OLFM2: variants seen among roughly 807,000 people sequenced by gnomAD.
OLFM2 encodes the protein olfactomedin 2.
OLFM2 carries 20 observed loss-of-function variants against 43.9 expected under a neutral mutation model. The ratio of observed to expected loss-of-function variants is 0.46; its 90% CI spans 0.32 to 0.66. The LOEUF is 0.66. Ranked by LOEUF, OLFM2 falls within the 30% of genes least tolerant of loss-of-function variation. The pLI is 0.04. For missense variants in OLFM2, 416 were observed against 643.6 expected (o/e 0.65, Z 3.83); for synonymous variants, 268 against 278.6 (o/e 0.96, Z 0.38).
At chr19:9,866,644 C>T (rs56281400) in intron 1 of OLFM2, among the ~76,000 whole-genome samples, 18,608 of 151,910 alleles carry the variant, frequency 0.12, 1,312 homozygotes, top group Middle Eastern at 0.2. Flanking sequence ...GGACTACAGG[C>T]ATGCACCATC....
At chr19:9,872,711 CATCT>C (rs1384801409) in intron 1 of OLFM2, among the ~76,000 whole-genome samples, 1 of 151,658 alleles carries the variant, frequency 6.6e-6, no homozygotes, top group African/African-American at 2.4e-5. Flanking sequence ...CCCATTCATC[CATCT>C]ATCCATTCAT....
intron 1 of OLFM2, among the ~76,000 whole-genome samples, chr19:9,901,252 AAAGG>A (rs1434081404): frequency 2.3e-5 from 3 of 132,400 alleles, no homozygotes; most frequent in African/African-American, 8.5e-5. Flanking sequence ...AAGAAGAAAG[AAAGG>A]GAGGGAGGGA....
intron 1 of OLFM2, among the ~76,000 whole-genome samples, chr19:9,890,388 G>T (rs1157997222): frequency 2.0e-5 from 3 of 152,188 alleles, no homozygotes; most frequent in African/African-American, 4.8e-5. Flanking sequence ...GGCGGGCACT[G>T]TGGCCTCCTG....
At chr19:9,927,644 C>G (rs1157456880) in intron 1 of OLFM2, among the ~76,000 whole-genome samples, 1 of 152,204 alleles carries the variant, frequency 6.6e-6, no homozygotes, top group Non-Finnish European at 1.5e-5. Flanking sequence ...TACCATGTGT[C>G]GGCTGCATCT....
chr19:9,876,751 A>C (rs1360400708), intron 1 of OLFM2, among the ~76,000 whole-genome samples: 1 of 152,160 alleles, frequency 6.6e-6, no homozygotes, highest in African/African-American at 2.4e-5. Flanking sequence ...CCCCAGTTAG[A>C]GTATATAGCT....
At chr19:9,861,510 C>T (rs538644484) in intron 1 of OLFM2, among the ~76,000 whole-genome samples, 4 of 152,328 alleles carry the variant, frequency 2.6e-5, no homozygotes, top group Admixed American at 6.5e-5. Flanking sequence ...GCCCCCACCT[C>T]ACCTGGAGCC....
chr19:9,877,957 AT>A (rs1183658635), intron 1 of OLFM2, among the ~76,000 whole-genome samples: 2 of 152,024 alleles, frequency 1.3e-5, no homozygotes, highest in African/African-American at 4.8e-5. Flanking sequence ...GGCTCAGTCG[AT>A]CCCCCTGCCT....
chr19:9,865,823 A>C lies in OLFM2; in HGVS notation c.64-5029T>G, dbSNP rs1240281036. 2.7e-5 allele frequency among the ~76,000 whole-genome samples: 4 copies of C among 148,836 alleles called. No homozygotes were observed. In the East Asian group the frequency reaches 5.8e-4, roughly 22 times the overall value. ...TCTTGATAAATCTCATTCTTAAAAA[A>C]AAAAAAAAAAAACAAAGAAAAACAT... On this transcript the variant is annotated intron_variant, in intron 1 of 5. Transcript: ENST00000264833.
At chr19:9,867,898 G>GA (rs1343689078) in intron 1 of OLFM2, among the ~76,000 whole-genome samples, 4 of 144,482 alleles carry the variant, frequency 2.8e-5, no homozygotes, top group Non-Finnish European at 4.6e-5. Context: ...ACACATGCTA[G>GA]AAAAAAAATT....
At chr19:9,894,874 A>C (rs1361581196) in intron 1 of OLFM2, among the ~76,000 whole-genome samples, 2 of 151,996 alleles carry the variant, frequency 1.3e-5, no homozygotes, top group Admixed American at 1.3e-4. Flanking sequence ...ATGTCCTCAG[A>C]GCTCCAATGC....
At chr19:9,876,957 C>T (rs1037329952) in intron 1 of OLFM2, among the ~76,000 whole-genome samples, 2 of 152,082 alleles carry the variant, frequency 1.3e-5, no homozygotes, top group Admixed American at 6.6e-5. Context: ...AGGCTGGGTG[C>T]GGTGGCTCAC....
In OLFM2 at chr19:9,857,782, G is replaced by T. The variant is rs746013094; in HGVS notation, c.293C>A (p.Thr98Asn). 4.3e-6 allele frequency: 7 copies of T among 1,614,022 alleles called. No homozygotes were observed. The South Asian group carries it at 4.4e-5, about 10-fold the overall frequency. ...RDLQYVRGMETLMRSLDARLR... is the reference protein window; with the variant it reads ...RDLQYVRGMENLMRSLDARLR... ...CCGCGCATCCAGGCTCCGCATGAGGGTCTCCATGCCGCGTACATACTGGAG... is the reference window on the plus strand; with the variant it reads ...CCGCGCATCCAGGCTCCGCATGAGGTTCTCCATGCCGCGTACATACTGGAG... Residue 98 changes from threonine (T) to asparagine (N), a missense_variant, in exon 3 of 6, where the codon ACC (threonine) becomes AAC (asparagine). Coordinates refer to ENST00000264833, the MANE Select transcript of OLFM2 (RefSeq NM_058164.4). This position sits in a 1 kb window ranked among gnomAD's most constrained non-coding sequence, Gnocchi z 5.7.
At chr19:9,900,298 A>G (rs969835027) in intron 1 of OLFM2, among the ~76,000 whole-genome samples, 10 of 151,984 alleles carry the variant, frequency 6.6e-5, no homozygotes, top group African/African-American at 2.4e-4. Flanking sequence ...GAAAAGATGG[A>G]CCTTCTCCAG....
At chr19:9,869,845 G>C (rs1014710943) in intron 1 of OLFM2, among the ~76,000 whole-genome samples, 2 of 152,070 alleles carry the variant, frequency 1.3e-5, no homozygotes, top group Non-Finnish European at 2.9e-5. Flanking sequence ...GTTTGAACTC[G>C]TGGCCTCAGA....
intron 1 of OLFM2, among the ~76,000 whole-genome samples, chr19:9,916,479 C>G (rs1252987347): frequency 1.3e-5 from 2 of 152,096 alleles, no homozygotes; most frequent in East Asian, 3.8e-4. Context: ...ACAGTGACAC[C>G]CCTATTTCCA....
chr19:9,926,467 G>T (rs905502311), intron 1 of OLFM2, among the ~76,000 whole-genome samples: 3 of 151,578 alleles, frequency 2.0e-5, no homozygotes, highest in Non-Finnish European at 4.4e-5. Flanking sequence ...TGGGAGAATC[G>T]CTTGAATCTG....
intron 1 of OLFM2, among the ~76,000 whole-genome samples, chr19:9,877,465 G>A (rs1169896785): frequency 1.3e-5 from 2 of 151,896 alleles, no homozygotes; most frequent in Non-Finnish European, 1.5e-5. Flanking sequence ...CTCGGGAGGC[G>A]GAGGTTGCGG....
chr19:9,911,255 C>T (rs138289814), intron 1 of OLFM2, among the ~76,000 whole-genome samples: 4 of 152,304 alleles, frequency 2.6e-5, no homozygotes, highest in African/African-American at 7.2e-5. Context: ...GTCTTTCAGA[C>T]TCCCAAAATG....
chr19:9,904,194 G>A (rs191968636), intron 1 of OLFM2, among the ~76,000 whole-genome samples: 1,955 of 148,198 alleles, frequency 0.013, 26 homozygotes, highest in African/African-American at 0.048. Flanking sequence ...GTGTGTGTGT[G>A]TGTGTGTGTG....
Sources: gnomAD v4.1 joint callset for allele counts (sites outside exome capture counted in the v4.1 genomes callset) on GRCh38, gnomAD v4.1.1 for gene constraint, Gnocchi (gnomAD v3.1) non-coding constraint, MANE v1.5 for transcripts, NCBI Gene and HGNC (gene_info 2026-07-23, HGNC 2026-07-21) for gene names.